The following KCTD1 variants were observed in gnomAD, a reference collection of about 807,000 sequenced individuals.
The protein encoded by KCTD1 is potassium channel tetramerization domain containing 1.
Under a neutral mutation model 66.0 loss-of-function variants are expected in KCTD1, and 24 were observed. The ratio of observed to expected loss-of-function variants is 0.36; its 90% CI spans 0.26 to 0.51. The LOEUF (loss-of-function observed/expected upper bound fraction) is 0.51, where lower values mean the gene tolerates loss of function less well. Among genes scored for constraint, KCTD1 ranks in the 20% least tolerant of loss-of-function variants. KCTD1 has a pLI of 0.95. For synonymous variants in KCTD1, 511 were observed against 517.2 expected (o/e 0.99, Z 0.16); for missense variants, 943 against 1,205.2 (o/e 0.78, Z 3.22).
intron 1 of KCTD1, among the ~76,000 whole-genome samples, chr18:26,521,559 A>G (rs796895743): frequency 3.3e-5 from 5 of 152,346 alleles, no homozygotes; most frequent in African/African-American, 1.2e-4. Context: ...ACAGTAAGAA[A>G]ACAATAAATT....
At chr18:26,647,151 C>T (rs780333655) in intron 1 of KCTD1, among the ~76,000 whole-genome samples, 1 of 152,136 alleles carries the variant, frequency 6.6e-6, no homozygotes, top group Non-Finnish European at 1.5e-5. Flanking sequence ...CTTATACAAC[C>T]TTTGAATGAC....
chr18:26,559,476 T>C (rs1165342410), intron 1 of KCTD1, among the ~76,000 whole-genome samples: 2 of 152,220 alleles, frequency 1.3e-5, no homozygotes, highest in Non-Finnish European at 2.9e-5. Context: ...GGGGTGGAGC[T>C]GAGCATGTGC....
chr18:26,515,888 G>A (rs556056212), intron 1 of KCTD1, among the ~76,000 whole-genome samples: 15 of 152,240 alleles, frequency 9.9e-5, no homozygotes, highest in East Asian at 7.7e-4. Flanking sequence ...TGAAATGGGC[G>A]GCAGAATTTC....
intron 1 of KCTD1, among the ~76,000 whole-genome samples, chr18:26,536,411 G>C (rs1047095683): frequency 8.5e-5 from 13 of 152,216 alleles, no homozygotes; most frequent in Non-Finnish European, 1.9e-4. Flanking sequence ...GGAGAAGCCT[G>C]AAATGTTACA....
chr18:26,535,542 G>A (rs1984661938), intron 1 of KCTD1, among the ~76,000 whole-genome samples: 1 of 150,050 alleles, frequency 6.7e-6, no homozygotes, highest in South Asian at 2.1e-4. Flanking sequence ...CTGACATTTG[G>A]AAGACTGGGC....
intron 2 of KCTD1, among the ~76,000 whole-genome samples, chr18:26,478,756 C>T (rs1037965416): frequency 3.9e-5 from 6 of 152,046 alleles, no homozygotes; most frequent in African/African-American, 1.4e-4. Context: ...TTCTCTGTCT[C>T]CATTTTTTTT....
chr18:26,514,010 A>G (rs561128272), intron 1 of KCTD1, among the ~76,000 whole-genome samples: 3 of 152,388 alleles, frequency 2.0e-5, no homozygotes, highest in South Asian at 2.1e-4. Context: ...GTGCTTAATA[A>G]GCAAAATGCC....
chr18:26,481,717 C>T (rs905463799), intron 2 of KCTD1, among the ~76,000 whole-genome samples: 5 of 152,194 alleles, frequency 3.3e-5, no homozygotes, highest in Non-Finnish European at 5.9e-5. Flanking sequence ...GCTTTGACTA[C>T]ATCATTTGCA....
At chr18:26,615,681 A>T (rs182821792) in intron 1 of KCTD1, among the ~76,000 whole-genome samples, 120 of 152,324 alleles carry the variant, frequency 7.9e-4, no homozygotes, top group African/African-American at 2.7e-3. Flanking sequence ...TCACTTATCT[A>T]CCTATTTTCA....
In KCTD1 at chr18:26,585,117, C is replaced by T. The variant is rs570839254; in HGVS notation, c.-16+44030G>A. Among the ~76,000 whole-genome samples the T allele has an allele frequency of 2.0e-5, 3 of 152,204 alleles. No individual in the cohort carries two copies. The South Asian group carries it at 6.2e-4, about 32-fold the overall frequency. ...CCCCCCGATACCAGGCTGGAGGTTG[C>T]TTTTGGGAGCCAAAGAGAAAAGTGA... On this transcript the variant is annotated intron_variant, in intron 1 of 4. Coordinates refer to the KCTD1 transcript ENST00000317932.
chr18:26,605,632 C>G (rs1598963427), intron 1 of KCTD1, among the ~76,000 whole-genome samples: 2 of 152,250 alleles, frequency 1.3e-5, no homozygotes, highest in South Asian at 2.1e-4. Context: ...TAGCTTCTGT[C>G]TGTCTCTCTT....
intron 3 of KCTD1, among the ~76,000 whole-genome samples, chr18:26,464,336 T>G (rs559331310): frequency 1.8e-4 from 27 of 152,352 alleles, no homozygotes; most frequent in South Asian, 1.5e-3. Flanking sequence ...TCATCCCATC[T>G]TCTCTAACCC....
chr18:26,597,146 A>T (rs1332659486), intron 1 of KCTD1, among the ~76,000 whole-genome samples: 1 of 152,012 alleles, frequency 6.6e-6, no homozygotes, highest in Non-Finnish European at 1.5e-5. Context: ...TGGGAGGGGA[A>T]ACTGGCTCAG....
chr18:26,632,637 T>G (rs574707324), upstream of KCTD1, among the ~76,000 whole-genome samples: 28 of 152,296 alleles, frequency 1.8e-4, no homozygotes, highest in South Asian at 4.4e-3. Flanking sequence ...TACAGGATAA[T>G]GACACATATT....
At chr18:26,462,540 T>C (rs1980489793) in intron 3 of KCTD1, among the ~76,000 whole-genome samples, 1 of 152,238 alleles carries the variant, frequency 6.6e-6, no homozygotes, top group South Asian at 2.1e-4. Context: ...CATGCTGCCT[T>C]GCCTCTAAGC....
intron 1 of KCTD1, among the ~76,000 whole-genome samples, chr18:26,578,945 C>T (rs985769243): frequency 2.6e-5 from 4 of 152,130 alleles, no homozygotes; most frequent in Non-Finnish European, 5.9e-5. Flanking sequence ...ACATAATTAC[C>T]ACATGCCAAT....
chr18:26,591,519 G>C (rs1262230463), intron 1 of KCTD1: 2 of 152,166 alleles, frequency 1.3e-5, no homozygotes. Context: ...TCTTACTACA[G>C]AGCCACATCC....
intron 2 of KCTD1, among the ~76,000 whole-genome samples, chr18:26,499,182 AG>A (rs1247352515): frequency 6.6e-6 from 1 of 152,228 alleles, no homozygotes; most frequent in Non-Finnish European, 1.5e-5. Flanking sequence ...CTACAGTTGA[AG>A]GTTTGCTTTT....
rs1987010555 is a variant in KCTD1, at chr18:26,606,146, G to A, written c.-16+23001C>T. On this transcript the variant is annotated intron_variant, in intron 1 of 4. Transcript: ENST00000317932. ...GAAAGAAATGTCTGGGTTAAGATAA[G>A]GGGTTGTGGAGACCAAGGTTTTATC... is the stretch of plus-strand genomic sequence containing the variant. Among the ~76,000 whole-genome samples, 3 of 152,326 alleles carry A rather than the reference G, an allele frequency of 2.0e-5. No individual in the cohort carries two copies. In the South Asian group the frequency reaches 6.2e-4, roughly 32 times the overall value.
Sources: allele counts gnomAD v4.1 joint callset (sites outside exome capture counted in the v4.1 genomes callset), GRCh38; gene constraint gnomAD v4.1.1; transcripts MANE v1.5; gene names NCBI Gene and HGNC (gene_info 2026-07-23, HGNC 2026-07-21).